Variants in EHD3 observed in about 807,000 individuals in gnomAD.
EHD3 encodes EH domain-containing protein 3.
EHD3 carries 17 observed loss-of-function variants against 43.0 expected under a neutral mutation model. That is an observed-to-expected ratio of 0.40 (90% CI 0.27 to 0.59). The LOEUF (loss-of-function observed/expected upper bound fraction) is 0.59. Ranked by LOEUF, EHD3 falls within the 20% of genes least tolerant of loss-of-function variation. EHD3 has a pLI of 0.49. For missense variants in EHD3, 594 were observed against 705.6 expected (o/e 0.84, Z 1.79); for synonymous variants, 313 against 289.5 (o/e 1.08, Z -0.82).
chr2:31,263,274 A>G (rs1484966017), intron 5 of EHD3, among the ~76,000 whole-genome samples: 2 of 152,204 alleles, frequency 1.3e-5, no homozygotes, highest in Admixed American at 6.5e-5. Flanking sequence ...GAATTTAATG[A>G]TTTGTAAGCA....
chr2:31,245,735 GTTTTTTTTTTTTTTTTT>G (rs765195110), intron 2 of EHD3, among the ~76,000 whole-genome samples: 1 of 68,320 alleles, frequency 1.5e-5, no homozygotes, highest in East Asian at 4.5e-4. Context: ...CTAATTTTGT[GTTTTTTTTTTTTTTTTT>G]TTTTTTTTAG....
At chr2:31,265,930 C>T (rs1383119199) in intron 5 of EHD3, among the ~76,000 whole-genome samples, 1 of 152,130 alleles carries the variant, frequency 6.6e-6, no homozygotes, top group Non-Finnish European at 1.5e-5. Context: ...CTTTCTTCCC[C>T]AGCCCCTACA....
intron 3 of EHD3, among the ~76,000 whole-genome samples, chr2:31,252,612 CG>C (rs1356498267): frequency 1.3e-5 from 2 of 152,124 alleles, no homozygotes; most frequent in Non-Finnish European, 2.9e-5. Flanking sequence ...GTAGCTGGGA[CG>C]ACAGGCATGC....
chr2:31,241,371 C>G (rs1398653673), intron 1 of EHD3, among the ~76,000 whole-genome samples: 2 of 152,162 alleles, frequency 1.3e-5, no homozygotes, highest in Non-Finnish European at 2.9e-5. Flanking sequence ...ATCCAAGGGC[C>G]AGGTTCAAAT....
Position 31,266,506 on chromosome 2 carries a change from G to A in EHD3, c.1410G>A (p.Glu470=), listed in dbSNP as rs139970694. The change falls in exon 6 of 6, where the codon GAG becomes GAA. Residue 470 remains glutamate, a synonymous_variant. Coordinates refer to ENST00000322054, the MANE Select transcript of EHD3 (RefSeq NM_014600.3). The surrounding 1 kb of genome is among the most constrained non-coding windows in gnomAD (Gnocchi z 5.1). Reference sequence around the variant, plus strand: ...TCACAGGCGCTAATGCCAAGAAGGAGATGGTGCGCTCCAAGCTGCCCAACA... The same window carrying A: ...TCACAGGCGCTAATGCCAAGAAGGAAATGGTGCGCTCCAAGCTGCCCAACA... ...GKITGANAKK[E]MVRSKLPNSV... The A allele has an allele frequency of 1.9e-5, 30 of 1,614,064 alleles. No individual in the cohort carries two copies. The highest frequency in any genetic ancestry group is 2.5e-5 in the Non-Finnish European group (30 of 1,180,032).
At chr2:31,243,460 C>CTTTCTTTCTTTCTTTCTTT (rs1553402472) in intron 1 of EHD3, among the ~76,000 whole-genome samples, 28 of 98,480 alleles carry the variant, frequency 2.8e-4, no homozygotes, top group African/African-American at 1.1e-3. Context: ...TTCTTTCTTT[C>CTTTCTTTCTTTCTTTCTTT]TTTTTTTTTT....
At chr2:31,246,944 T>C (rs1436381691) in intron 2 of EHD3, among the ~76,000 whole-genome samples, 1 of 151,914 alleles carries the variant, frequency 6.6e-6, no homozygotes, top group East Asian at 1.9e-4. Context: ...TCGCCCAGGC[T>C]GAAGTGCAGT....
At position 31,261,686 on chromosome 2, in the gene EHD3, G is replaced by A; in HGVS notation, c.1053G>A (p.Gly351=). 1 of 1,614,194 alleles carries A rather than the reference G, an allele frequency of 6.2e-7. No individual in the cohort carries two copies. The highest frequency in any genetic ancestry group is 8.5e-7 in the Non-Finnish European group (1 of 1,180,028). Residue 351 remains glycine (G), a synonymous_variant, in exon 5 of 6, where the codon GGG becomes GGA. Coordinates refer to ENST00000322054, the MANE Select transcript of EHD3 (RefSeq NM_014600.3). The part of the protein sequence containing the change: ...RIEREHQISP[G]DFPNLKRMQD... ...AGCGGGAGCACCAGATCTCACCTGGGGACTTCCCCAATCTGAAGAGGATGC... is the reference window on the plus strand; with the variant it reads ...AGCGGGAGCACCAGATCTCACCTGGAGACTTCCCCAATCTGAAGAGGATGC...
At chr2:31,256,460 C>T (rs978883632) in intron 3 of EHD3, among the ~76,000 whole-genome samples, 1 of 152,226 alleles carries the variant, frequency 6.6e-6, no homozygotes, top group African/African-American at 2.4e-5. Flanking sequence ...TCAGCAAATA[C>T]TGATAGTGCA....
intron 1 of EHD3, among the ~76,000 whole-genome samples, chr2:31,243,773 T>C (rs1223629688): frequency 6.6e-6 from 1 of 152,086 alleles, no homozygotes; most frequent in African/African-American, 2.4e-5. Context: ...TTTTTCATAG[T>C]GTACCTTTTA....
At chr2:31,249,952 T>C (rs1389558546) in intron 3 of EHD3, among the ~76,000 whole-genome samples, 1 of 152,118 alleles carries the variant, frequency 6.6e-6, no homozygotes, top group Non-Finnish European at 1.5e-5. Context: ...TACAGGATAA[T>C]TGCTCATTAA....
chr2:31,249,486 G>A lies in EHD3; in HGVS notation c.502+18G>A. ...CAGCCGGGGTAAGCAACCTGCCTGA[G>A]GGGTGTTGGCTGTGGGCTCCATGGT... is the stretch of plus-strand genomic sequence containing the variant. On this transcript the variant is annotated intron_variant, in intron 3 of 5. Coordinates refer to ENST00000322054, the MANE Select transcript of EHD3 (RefSeq NM_014600.3). 6.2e-7 allele frequency: 1 copy of A among 1,612,440 alleles called. No individual in the cohort carries two copies. Among genetic ancestry groups the A allele is most frequent in the Non-Finnish European group, 8.5e-7 (1 of 1,178,562 alleles).
intron 3 of EHD3, among the ~76,000 whole-genome samples, chr2:31,249,802 A>G (rs1316356459): frequency 1.3e-5 from 2 of 152,156 alleles, no homozygotes; most frequent in African/African-American, 4.8e-5. Flanking sequence ...CTTGCTTCTT[A>G]AGTTCCTGGG....
intron 3 of EHD3, among the ~76,000 whole-genome samples, chr2:31,254,175 C>G (rs1198355373): frequency 1.3e-5 from 2 of 152,162 alleles, no homozygotes; most frequent in Non-Finnish European, 2.9e-5. Flanking sequence ...TCCTGGTCCA[C>G]GGCTTCTCAG....
In EHD3 at chr2:31,244,343, G is replaced by A. The variant is rs186876029; in HGVS notation, c.297G>A (p.Ala99=). 2.6e-5 allele frequency: 42 copies of A among 1,614,212 alleles called. 1 individual carries two copies. The highest frequency in any genetic ancestry group is 1.8e-4 in the East Asian group (8 of 44,874). Residue 99 remains alanine, a synonymous_variant, in exon 2 of 6, where the codon GCG becomes GCA. Coordinates refer to ENST00000322054, the MANE Select transcript of EHD3 (RefSeq NM_014600.3). ...AGCCCACCACAGACTCCTTCATTGC[G>A]GTGATGCAGGGAGACATGGAGGGGA... is the stretch of plus-strand genomic sequence containing the variant. ...GPEPTTDSFI[A]VMQGDMEGII... is the part of the protein sequence containing the mutation.
intron 3 of EHD3, 103 bp downstream of exon 3, chr2:31,249,571 TG>T (rs1242482895): frequency 9.8e-7 from 1 of 1,023,750 alleles, no homozygotes; most frequent in African/African-American, 1.6e-5. Flanking sequence ...TGCTGTCCCT[TG>T]GTGAGCCGGC....
chr2:31,255,954 A>G (rs12468189), intron 3 of EHD3, among the ~76,000 whole-genome samples: 79,017 of 151,974 alleles, frequency 0.52, 22,100 homozygotes, highest in East Asian at 0.72. Flanking sequence ...GGTCCCTTGT[A>G]GCTAATCTCC....
Position 31,260,809 on chromosome 2 carries a change from C to A in EHD3, c.802C>A (p.Arg268=). The change falls in exon 4 of 6, where the codon CGG becomes AGG. Residue 268 remains arginine, a synonymous_variant. Coordinates refer to ENST00000322054, the MANE Select transcript of EHD3 (RefSeq NM_014600.3). This position sits in a 1 kb window ranked among gnomAD's most constrained non-coding sequence, Gnocchi z 4.6. The part of the protein sequence containing the change: ...WSHPLLIPDN[R]KLFEAEEQDL... The stretch of plus-strand genomic sequence containing the variant: ...CCACCCCCTCCTCATCCCTGACAAC[C>A]GGAAGCTCTTTGAGGCTGAGGAACA... 6.2e-7 allele frequency: 1 copy of A among 1,614,174 alleles called. No homozygotes were observed. The highest frequency in any genetic ancestry group is 2.2e-5 in the East Asian group (1 of 44,876).
Position 31,266,832 on chromosome 2 carries a change from CTG to C in EHD3, c.*130_*131del. Reference sequence around the variant, plus strand: ...CACATATGCATATCTTGACATTGCTCTGTAGGTGAGAGAGGACCATGACGCCC... The same window carrying C: ...CACATATGCATATCTTGACATTGCTCTAGGTGAGAGAGGACCATGACGCCC... On this transcript the variant is annotated 3_prime_UTR_variant, in exon 6 of 6. Coordinates refer to ENST00000322054, the MANE Select transcript of EHD3 (RefSeq NM_014600.3). The surrounding 1 kb of genome is among the most constrained non-coding windows in gnomAD (Gnocchi z 5.1). The C allele has an allele frequency of 8.1e-7, 1 of 1,237,450 alleles. No individual in the cohort carries two copies. The highest frequency in any genetic ancestry group is 1.6e-5 in the South Asian group (1 of 62,980). 76.7% of individuals were successfully genotyped at this position (1,237,450 alleles called of 1,614,324 possible).
Sources: gnomAD v4.1 joint callset for allele counts (sites outside exome capture counted in the v4.1 genomes callset) on GRCh38, gnomAD v4.1.1 for gene constraint, Gnocchi (gnomAD v3.1) non-coding constraint, MANE v1.5 for transcripts, NCBI Gene and HGNC (gene_info 2026-07-23, HGNC 2026-07-21) for gene names.